The following CDK11A variants were observed in gnomAD, a reference collection of about 807,000 sequenced individuals.
CDK11A encodes the protein cyclin dependent kinase 11A.
Under a neutral mutation model 83.6 loss-of-function variants are expected in CDK11A, and 55 were observed. That is an observed-to-expected ratio of 0.66 (90% CI 0.53 to 0.82). CDK11A has a LOEUF of 0.82. CDK11A is among the 40% of genes least tolerant of loss of function. The pLI, the probability that CDK11A is intolerant of heterozygous loss-of-function variation, is 0.00. For synonymous variants in CDK11A, 247 were observed against 302.7 expected (o/e 0.82, Z 1.91); for missense variants, 564 against 810.1 (o/e 0.70, Z 3.69).
chr1:1,706,471 C>A lies in CDK11A; in HGVS notation c.1246-739G>T, dbSNP rs150959599. ...GGCTGAGATGGGAGGATTGTTTGAG[C>A]CTGGGAGGTGGAGGCTCCAGTGAGC... On this transcript the variant is annotated intron_variant, in intron 11 of 19. Transcript: ENST00000404249. Among the ~76,000 whole-genome samples the A allele has an allele frequency of 8.4e-3, 1,278 of 151,368 alleles. 61 individuals carry two copies. The highest frequency in any genetic ancestry group is 0.03 in the African/African-American group (1,243 of 41,254).
chr1:1,705,806 C>G (rs373704234), intron 11 of CDK11A, 74 bp from the exon 12 acceptor site: 1 of 511,170 alleles, frequency 2.0e-6, no homozygotes, highest in Non-Finnish European at 3.3e-6. Context: ...TCCACAGGCA[C>G]GGCACACCCA....
chr1:1,717,149 AAC>A (rs1201987274), intron 4 of CDK11A, among the ~76,000 whole-genome samples: 1 of 151,058 alleles, frequency 6.6e-6, no homozygotes, highest in Admixed American at 6.6e-5. Context: ...AAAAAAGAAA[AAC>A]AATTCTGCTA....
chr1:1,721,458 C>T lies in CDK11A; in HGVS notation c.227+138G>A, dbSNP rs539981326. 74 of 946,394 alleles carry T rather than the reference C, an allele frequency of 7.8e-5. 2 individuals carry two copies. The highest frequency in any genetic ancestry group is 1.1e-4 in the Non-Finnish European group (71 of 652,114). 58.6% of individuals were successfully genotyped at this position (946,394 alleles called of 1,614,324 possible). On this transcript the variant is annotated intron_variant, in intron 3 of 19. Coordinates refer to ENST00000404249, the MANE Select transcript of CDK11A (RefSeq NM_024011.4). The stretch of plus-strand genomic sequence containing the variant: ...TCTCAGTAGTACAACAGCTACAACA[C>T]GCCCTGTCACGGTAACTCTAGGAAA...
intron 3 of CDK11A, among the ~76,000 whole-genome samples, chr1:1,719,834 C>G (rs1209023969): frequency 2.0e-5 from 3 of 150,756 alleles, no homozygotes; most frequent in African/African-American, 7.3e-5. Context: ...CCAAGATGGT[C>G]TCAATCTCCT....
rs61776846 is a variant in CDK11A at position 1,710,719 on chromosome 1, G to A, written c.626-1079C>T. On this transcript the variant is annotated intron_variant, in intron 6 of 19. Coordinates refer to ENST00000404249, the MANE Select transcript of CDK11A (RefSeq NM_024011.4). ...TTAAACCTTCAGTTCCTCAGAGAAC[G>A]AAAGGAAGATGTGGAGAAAGTCAAG... Among the ~76,000 whole-genome samples the A allele has an allele frequency of 3.7e-3, 561 of 150,348 alleles. 29 individuals carry two copies. The highest frequency in any genetic ancestry group is 5.9e-3 in the South Asian group (28 of 4,722).
At position 1,715,914 on chromosome 1, in the gene CDK11A, C is replaced by G. The variant is rs1427545599; in HGVS notation, c.488+432G>C. On this transcript the variant is annotated intron_variant, in intron 5 of 19. Transcript: ENST00000404249. ...CAGTGTCCCGATTTCCAGACTGTTTCAAGGTTTTTGGGATCTCCCTTCTCC... is the reference window on the plus strand; with the variant it reads ...CAGTGTCCCGATTTCCAGACTGTTTGAAGGTTTTTGGGATCTCCCTTCTCC... Among the ~76,000 whole-genome samples the G allele has an allele frequency of 2.0e-5, 3 of 150,902 alleles. 1 individual carries two copies. Among genetic ancestry groups the G allele is most frequent in the Non-Finnish European group, 4.4e-5 (3 of 67,646 alleles).
chr1:1,708,456 C>T (rs562067498), intron 9 of CDK11A, among the ~76,000 whole-genome samples: 7 of 146,782 alleles, frequency 4.8e-5, no homozygotes, highest in African/African-American at 1.3e-4. Flanking sequence ...TCCTGGCCAA[C>T]GTGGTGAAAC....
chr1:1,706,227 C>T (rs1644305283), intron 11 of CDK11A, among the ~76,000 whole-genome samples: 1 of 150,350 alleles, frequency 6.7e-6, no homozygotes, highest in South Asian at 2.1e-4. Flanking sequence ...TACGCACCAC[C>T]ACGCCAGGCT....
At position 1,704,015 on chromosome 1, in the gene CDK11A, G is replaced by A. The variant is rs369358403; in HGVS notation, c.1794+24C>T. On this transcript the variant is annotated intron_variant, in intron 16 of 19. Coordinates refer to ENST00000404249, the MANE Select transcript of CDK11A (RefSeq NM_024011.4). The stretch of plus-strand genomic sequence containing the variant: ...GGGAGGCTGCATGGGGGACAGGGGA[G>A]GCACTCAGACGCCCAGGACTCACCT... The A allele has an allele frequency of 1.9e-6, 3 of 1,601,508 alleles. No homozygotes were observed. The African/African-American group carries it at 4.0e-5, about 22-fold the overall frequency.
rs56410233 is a variant in CDK11A at position 1,704,076 on chromosome 1, T to A, written c.1757A>T (p.Gln586Leu). The A allele has an allele frequency of 2.4e-3, 3,818 of 1,595,632 alleles. 168 individuals carry two copies. Among genetic ancestry groups the A allele is most frequent in the Non-Finnish European group, 2.6e-3 (3,023 of 1,168,724 alleles). ...CAGCAGCTCTGGGGCGCGGTACCAC[T>A]GGGTCACCACGACCGGGGTGTAGGC... ...LKAYTPVVVT[Q>L]WYRAPELLLG... Residue 586 changes from glutamine to leucine, a missense_variant, in exon 16 of 20, where the codon CAG becomes CTG. Physicochemically the swap from Gln to Leu is moderately radical, Grantham distance 113. Transcript: ENST00000404249.
Position 1,704,674 on chromosome 1 carries a change from T to C in CDK11A, c.1459-19A>G, listed in dbSNP as rs772722049. 3.6e-5 allele frequency: 58 copies of C among 1,595,944 alleles called. 1 individual carries two copies. The African/African-American group carries it at 7.0e-4, about 19-fold the overall frequency. Reference sequence around the variant, plus strand: ...CAATCTCCTGCAGGGCACGGCTCTGTGGGTGCTGGGCACCTCCAGGCCCCC... The same window carrying C: ...CAATCTCCTGCAGGGCACGGCTCTGCGGGTGCTGGGCACCTCCAGGCCCCC... On this transcript the variant is annotated intron_variant, in intron 13 of 19. Coordinates refer to ENST00000404249, the MANE Select transcript of CDK11A (RefSeq NM_024011.4).
Position 1,716,496 on chromosome 1 carries a change from G to C in CDK11A, c.356-18C>G, listed in dbSNP as rs1175427784. ...ATGCTTCCCTAATGAGAAATAAAGTGTCATGCAAAGAAACCTCACTTCAAA... is the reference window on the plus strand; with the variant it reads ...ATGCTTCCCTAATGAGAAATAAAGTCTCATGCAAAGAAACCTCACTTCAAA... On this transcript the variant is annotated intron_variant, in intron 4 of 19. Coordinates refer to ENST00000404249, the MANE Select transcript of CDK11A (RefSeq NM_024011.4). 6.2e-7 allele frequency: 1 copy of C among 1,603,634 alleles called. No homozygotes were observed.
intron 3 of CDK11A, among the ~76,000 whole-genome samples, chr1:1,720,218 C>A (rs1420039006): frequency 1.3e-5 from 2 of 150,324 alleles, no homozygotes; most frequent in Non-Finnish European, 3.0e-5. Context: ...CCTCAGCCTT[C>A]CAAGTAACTG....
Position 1,703,585 on chromosome 1 carries a change from T to G in CDK11A, c.1951A>C (p.Ser651Arg). 6.3e-7 allele frequency: 1 copy of G among 1,593,384 alleles called. No homozygotes were observed. The highest frequency in any genetic ancestry group is 8.5e-7 in the Non-Finnish European group (1 of 1,173,822). ...ATCTTTTTGACTACTGGGAGCTCACTGTAGCCGGGCCAGATTTTCTCACTG... is the reference window on the plus strand; with the variant it reads ...ATCTTTTTGACTACTGGGAGCTCACGGTAGCCGGGCCAGATTTTCTCACTG... ...TPSEKIWPGYSELPVVKKMTF... is the reference protein window; with the variant it reads ...TPSEKIWPGYRELPVVKKMTF... The change falls in exon 18 of 20, where the codon AGT (serine) becomes CGT (arginine). Residue 651 changes from serine to arginine, a missense_variant. By Grantham distance (110) the Ser-to-Arg change is moderately radical (BLOSUM62 -1). This residue lies in a region of CDK11A where 361 missense variants were observed against 402.7 expected (regional missense o/e 0.90). Transcript: ENST00000404249.
chr1:1,715,268 C>G (rs1285040470), intron 5 of CDK11A, among the ~76,000 whole-genome samples: 1 of 128,846 alleles, frequency 7.8e-6, no homozygotes, highest in African/African-American at 2.7e-5. Context: ...TAGCCTCCCA[C>G]GTAGCATATG....
chr1:1,719,321 T>C lies in CDK11A; in HGVS notation c.355+7A>G. On this transcript the variant is annotated splice_region_variant and intron_variant, in intron 4 of 19. Transcript: ENST00000404249. ...CATGATGTCAAAGAAAGTAAATGCT[T>C]CTGTACCCCCTTCTGCTGAATGGCT... 2 of 1,506,900 alleles carry C rather than the reference T, an allele frequency of 1.3e-6. No homozygotes were observed. The highest frequency in any genetic ancestry group is 1.8e-6 in the Non-Finnish European group (2 of 1,131,926). 93.3% of individuals were successfully genotyped at this position (1,506,900 alleles called of 1,614,324 possible). A position where few individuals can be genotyped will look rare whatever the true frequency, so the allele number is the denominator to read the frequency against.
At chr1:1,713,465 C>T (rs1199566133) in intron 5 of CDK11A, among the ~76,000 whole-genome samples, 1 of 67,742 alleles carries the variant, frequency 1.5e-5, no homozygotes, top group African/African-American at 3.4e-5. Flanking sequence ...TTTTAAATTA[C>T]ATACGTTTAG....
Position 1,704,260 on chromosome 1 carries a change from G to A in CDK11A, c.1649C>T (p.Thr550Met), listed in dbSNP as rs757164651. ...GGCGTGGCTCAGCAGCAGGTTGGAC[G>A]TCTTGAGGTCACGGTGCAGGATCCA... is the stretch of plus-strand genomic sequence containing the variant. Reference protein sequence around the residue: ...DNWILHRDLKTSNLLLSHAGI... With the variant: ...DNWILHRDLKMSNLLLSHAGI... The change falls in exon 15 of 20, where the codon ACG (threonine) becomes ATG (methionine). Residue 550 changes from threonine to methionine, a missense_variant. Around this residue, in one of 5 missense-constraint regions of CDK11A, gnomAD observed 361 missense variants for 402.7 expected, o/e 0.90. Coordinates refer to ENST00000404249, the MANE Select transcript of CDK11A (RefSeq NM_024011.4). 24 of 1,608,388 alleles carry A rather than the reference G, an allele frequency of 1.5e-5. 1 individual carries two copies. The highest frequency in any genetic ancestry group is 1.8e-4 in the Middle Eastern group (1 of 5,466).
intron 18 of CDK11A, 44 bp downstream of exon 18, chr1:1,703,432 G>A (rs1356183598): frequency 1.3e-5 from 19 of 1,425,620 alleles, no homozygotes; most frequent in East Asian, 5.1e-5. Context: ...GGAAGTCACC[G>A]CTATGGCTCG....
Sources: gnomAD v4.1 joint callset for allele counts (sites outside exome capture counted in the v4.1 genomes callset) on GRCh38, gnomAD v4.1.1 for gene constraint, gnomAD v4.1.1 regional missense constraint, MANE v1.5 for transcripts, NCBI Gene and HGNC (gene_info 2026-07-23, HGNC 2026-07-21) for gene names.